The following PRKN variants were observed in gnomAD, a reference collection of about 807,000 sequenced individuals.
PRKN encodes parkin RBR E3 ubiquitin protein ligase.
In PRKN, 56 loss-of-function variants were observed where a neutral mutation model predicts 59.5. That is an observed-to-expected ratio of 0.94 (90% confidence interval 0.76 to 1.18). The LOEUF (loss-of-function observed/expected upper bound fraction) is 1.18. Ranked by LOEUF, PRKN falls within the 50% of genes most tolerant of loss-of-function variation. The pLI, the probability that PRKN is intolerant of heterozygous loss-of-function variation, is 0.00. For synonymous variants in PRKN, 250 were observed against 222.1 expected, an observed-to-expected ratio of 1.13 and a Z score of -1.12; for missense variants, 657 against 596.4, an observed-to-expected ratio of 1.10 and a Z score of -1.06.
intron 1 of PRKN, among the ~76,000 whole-genome samples, chr6:162,573,846 C>A (rs527723139): frequency 6.6e-6 from 1 of 152,240 alleles, no homozygotes; most frequent in East Asian, 1.9e-4. Context: ...ACACAAAGCT[C>A]GCTGCTTGCA....
chr6:162,589,648 T>C (rs1781222548), intron 1 of PRKN, among the ~76,000 whole-genome samples: 1 of 152,224 alleles, frequency 6.6e-6, no homozygotes. Context: ...TGAATGTGGC[T>C]CTAAGCCTTC....
chr6:161,680,763 ATATATATATATATT>A (rs1364535757), intron 7 of PRKN, among the ~76,000 whole-genome samples: 164 of 10,158 alleles, frequency 0.016, 11 homozygotes, highest in African/African-American at 0.04. Context: ...ATATATATAT[ATATATATATATATT>A]TTTTTTTTTT....
chr6:162,406,153 T>C lies in PRKN; in HGVS notation c.171+37157A>G, dbSNP rs189180665. ...GTGCCAGGCACCAAACTCAACACTTTTCATGCATTCACTTACTCAACCTTC... is the reference window on the plus strand; with the variant it reads ...GTGCCAGGCACCAAACTCAACACTTCTCATGCATTCACTTACTCAACCTTC... On this transcript the variant is annotated intron_variant, in intron 2 of 11. Transcript: ENST00000366898. Among the ~76,000 whole-genome samples the C allele has an allele frequency of 6.6e-5, 10 of 152,288 alleles. No individual in the cohort carries two copies. The East Asian group carries it at 1.9e-3, about 29-fold the overall frequency.
rs1297375730 is a variant in PRKN, at chr6:161,352,554, A to G, written c.1286-2343T>C. 6.6e-6 allele frequency among the ~76,000 whole-genome samples: 1 copy of G among 151,684 alleles called. No homozygotes were observed. Among genetic ancestry groups the G allele is most frequent in the Non-Finnish European group, 1.5e-5 (1 of 67,910 alleles). On this transcript the variant is annotated intron_variant, in intron 11 of 11. Transcript: ENST00000366898. This position sits in a 1 kb window ranked among gnomAD's most constrained non-coding sequence, Gnocchi z 5.8. ...AATATCATAAATATTTTATCATATC[A>G]TAAATATATCATTATTATATCATGT...
At chr6:161,366,959 GT>G (rs1161858945) in intron 10 of PRKN, among the ~76,000 whole-genome samples, 1 of 127,446 alleles carries the variant, frequency 7.8e-6, no homozygotes, top group Non-Finnish European at 1.7e-5. Context: ...TGTGTCTGAA[GT>G]TTTTTGGGGT....
At chr6:161,489,937 C>T (rs928239003) in intron 9 of PRKN, among the ~76,000 whole-genome samples, 1 of 152,240 alleles carries the variant, frequency 6.6e-6, no homozygotes, top group Admixed American at 6.5e-5. Flanking sequence ...TCCTGCCATA[C>T]TGCTCCCAAT....
intron 7 of PRKN, among the ~76,000 whole-genome samples, chr6:161,646,960 T>C (rs1287008291): frequency 6.6e-6 from 1 of 152,240 alleles, no homozygotes; most frequent in Non-Finnish European, 1.5e-5. Flanking sequence ...TTATTTTTGA[T>C]AAAACACTTA....
rs541852683 is a variant in PRKN at position 161,385,075 on chromosome 6, G to A, written c.1167+1719C>T. Among the ~76,000 whole-genome samples, 12 of 152,178 alleles carry A rather than the reference G, an allele frequency of 7.9e-5. No individual in the cohort carries two copies. The highest frequency in any genetic ancestry group is 2.9e-4 in the African/African-American group (12 of 41,520). ...CTCCTGAATAGCTGGGATTACAGGT[G>A]CACGCCACCACACCCAGCTAATTTT... On this transcript the variant is annotated intron_variant, in intron 10 of 11. Transcript: ENST00000366898. The surrounding 1 kb of genome is among the most constrained non-coding windows in gnomAD (Gnocchi z 4.9).
At chr6:162,156,022 T>C (rs1183230837) in intron 4 of PRKN, among the ~76,000 whole-genome samples, 2 of 152,100 alleles carry the variant, frequency 1.3e-5, no homozygotes, top group Admixed American at 1.3e-4. Flanking sequence ...ATAGTGGAAA[T>C]GAGGAAAATG....
intron 4 of PRKN, among the ~76,000 whole-genome samples, chr6:162,078,227 C>T (rs77361056): frequency 0.012 from 1,835 of 151,954 alleles, 45 homozygotes; most frequent in African/African-American, 0.042. Context: ...TCATTTTTCA[C>T]GGTTTTAACT....
At chr6:162,683,233 G>A (rs535126761) in intron 1 of PRKN, among the ~76,000 whole-genome samples, 10 of 151,996 alleles carry the variant, frequency 6.6e-5, no homozygotes, top group Admixed American at 4.6e-4. Flanking sequence ...AACCACAGAC[G>A]GCTATTTAAA....
chr6:161,633,997 A>AACACACACAC (rs141101298), intron 7 of PRKN, among the ~76,000 whole-genome samples: 2,535 of 142,062 alleles, frequency 0.018, 70 homozygotes, highest in African/African-American at 0.054. Context: ...GGAAAACTTA[A>AACACACACAC]ACACACACAC....
At chr6:162,461,838 G>GA (rs1252261939) in intron 1 of PRKN, among the ~76,000 whole-genome samples, 1 of 149,828 alleles carries the variant, frequency 6.7e-6, no homozygotes, top group East Asian at 2.0e-4. Flanking sequence ...AAAAAAAAAA[G>GA]AGACAATGAA....
At chr6:161,439,630 T>C (rs2115081351) in intron 9 of PRKN, among the ~76,000 whole-genome samples, 1 of 152,010 alleles carries the variant, frequency 6.6e-6, no homozygotes, top group Admixed American at 6.5e-5. Context: ...TCCGAGCGAT[T>C]CCATCTACAC....
chr6:162,587,597 A>T (rs888371683), intron 1 of PRKN, among the ~76,000 whole-genome samples: 7 of 152,206 alleles, frequency 4.6e-5, no homozygotes, highest in Non-Finnish European at 1.0e-4. Context: ...TATATTTATG[A>T]TAATATAATA....
intron 2 of PRKN, among the ~76,000 whole-genome samples, chr6:162,353,558 GAAT>G (rs1784713786): frequency 1.3e-5 from 2 of 151,898 alleles, no homozygotes; most frequent in Non-Finnish European, 2.9e-5. Flanking sequence ...ATTTTTTGAA[GAAT>G]ATTAAAGGTA....
chr6:162,548,122 C>T lies in PRKN; in HGVS notation c.8-104649G>A, dbSNP rs1779189998. On this transcript the variant is annotated intron_variant, in intron 1 of 11. Coordinates refer to ENST00000366898, the MANE Select transcript of PRKN (RefSeq NM_004562.3). ...GTCACCAGGCTCGTGTGCAGTGGCG[C>T]AATTTTGGCTCACTGCAACCTCCAC... Among the ~76,000 whole-genome samples, 5 of 152,026 alleles carry T rather than the reference C, an allele frequency of 3.3e-5. 1 individual carries two copies. The South Asian group carries it at 1.0e-3, about 31-fold the overall frequency.
At chr6:162,224,523 C>T (rs1778080666) in intron 3 of PRKN, among the ~76,000 whole-genome samples, 1 of 152,140 alleles carries the variant, frequency 6.6e-6, no homozygotes, top group Non-Finnish European at 1.5e-5. Context: ...TGACCCAAGA[C>T]TGAATTTACA....
chr6:161,821,271 AAAAATATAGGCAGAATTAAATCTTTTT>A (rs1792011721), intron 6 of PRKN, among the ~76,000 whole-genome samples: 1 of 152,182 alleles, frequency 6.6e-6, no homozygotes. Context: ...TAAATCTTTT[AAAAATATAGGCAGAATTAAATCTTTTT>A]AAAATATAGG....
Sources: gnomAD v4.1 joint callset for allele counts (sites outside exome capture counted in the v4.1 genomes callset) on GRCh38, gnomAD v4.1.1 for gene constraint, Gnocchi (gnomAD v3.1) non-coding constraint, MANE v1.5 for transcripts, NCBI Gene and HGNC (gene_info 2026-07-23, HGNC 2026-07-21) for gene names.